Variants in C12orf50 observed in about 807,000 individuals in gnomAD.
C12orf50 encodes the protein zinc finger CCCH-type containing 11D.
In C12orf50, 35 loss-of-function variants were observed where a neutral mutation model predicts 61.6. The ratio of observed to expected loss-of-function variants is 0.57; its 90% CI spans 0.43 to 0.75. The LOEUF (loss-of-function observed/expected upper bound fraction) is 0.75. Ranked by LOEUF, C12orf50 falls within the 30% of genes least tolerant of loss-of-function variation. C12orf50 has a pLI of 0.00. For synonymous variants in C12orf50, 178 were observed against 161.5 expected, an observed-to-expected ratio of 1.10 and a Z score of -0.77; for missense variants, 475 against 488.5, an observed-to-expected ratio of 0.97 and a Z score of 0.26.
Position 88,026,964 on chromosome 12 carries a change from T to C in C12orf50, c.-2A>G, listed in dbSNP as rs377175971. The C allele has an allele frequency of 3.3e-5, 54 of 1,612,066 alleles. No homozygotes were observed. The highest frequency in any genetic ancestry group is 1.6e-4 in the Middle Eastern group (1 of 6,070). On this transcript the variant is annotated 5_prime_UTR_variant, in exon 2 of 13. Transcript: ENST00000298699. Reference sequence around the variant, plus strand: ...AAGTAATTCTACCTGCATTTCCATGTGTCTAAATCTGCAAAGTGGATCTAA... The same window carrying C: ...AAGTAATTCTACCTGCATTTCCATGCGTCTAAATCTGCAAAGTGGATCTAA...
At chr12:88,010,650 TGTA>T (rs929593836) in intron 3 of C12orf50, among the ~76,000 whole-genome samples, 41 of 151,742 alleles carry the variant, frequency 2.7e-4, no homozygotes, top group African/African-American at 9.4e-4. Context: ...TCAAAAATGT[TGTA>T]GTGGATATTT....
At chr12:87,990,289 T>C (rs2031057267) in intron 7 of C12orf50, among the ~76,000 whole-genome samples, 2 of 152,174 alleles carry the variant, frequency 1.3e-5, no homozygotes, top group African/African-American at 4.8e-5. Context: ...ATTCACCCAG[T>C]CATTCAATGC....
chr12:87,981,142 A>G (rs2030447084), intron 12 of C12orf50, among the ~76,000 whole-genome samples: 1 of 152,178 alleles, frequency 6.6e-6, no homozygotes, highest in South Asian at 2.1e-4. Flanking sequence ...ATTTAGTCCA[A>G]TTCAGTGATT....
At chr12:88,015,160 C>T (rs1231256712) in intron 3 of C12orf50, among the ~76,000 whole-genome samples, 1 of 152,110 alleles carries the variant, frequency 6.6e-6, no homozygotes, top group African/African-American at 2.4e-5. Context: ...GAGGAAAGAA[C>T]TAAGCTGAAG....
intron 7 of C12orf50, among the ~76,000 whole-genome samples, chr12:87,991,843 G>A (rs115249973): frequency 0.016 from 2,471 of 152,288 alleles, 71 homozygotes; most frequent in African/African-American, 0.056. Flanking sequence ...TCCCAAACTG[G>A]AAATATTGTC....
At chr12:87,982,811 A>AT (rs2030572255) in intron 12 of C12orf50, among the ~76,000 whole-genome samples, 1 of 152,164 alleles carries the variant, frequency 6.6e-6, no homozygotes. Flanking sequence ...AAAAAAAAAA[A>AT]AATGCATCTT....
intron 4 of C12orf50, among the ~76,000 whole-genome samples, chr12:87,997,027 T>C (rs965396739): frequency 1.3e-5 from 2 of 152,290 alleles, no homozygotes; most frequent in African/African-American, 2.4e-5. Context: ...CCGTAGTCCA[T>C]AGAAGGACAT....
At chr12:87,984,173 A>T (rs538948922) in intron 11 of C12orf50, 1 of 151,856 alleles carries the variant, frequency 6.6e-6, no homozygotes, top group African/African-American at 2.4e-5. Flanking sequence ...TGTCTTTTGG[A>T]TGCATAAATG....
chr12:88,029,239 C>G (rs1279208353), intron 1 of C12orf50, 101 bp downstream of exon 1: 3 of 495,330 alleles, frequency 6.1e-6, no homozygotes, highest in Non-Finnish European at 9.7e-6. Flanking sequence ...TTCTTTTCCA[C>G]AGTCTTTCAG....
At chr12:88,006,538 G>T (rs986483759) in intron 3 of C12orf50, among the ~76,000 whole-genome samples, 4 of 152,146 alleles carry the variant, frequency 2.6e-5, no homozygotes, top group Admixed American at 6.5e-5. Context: ...CACAAAGCAG[G>T]GGTGGTAATT....
chr12:88,028,000 G>A (rs899387069), intron 1 of C12orf50: 2 of 152,244 alleles, frequency 1.3e-5, no homozygotes, highest in South Asian at 4.1e-4. Context: ...CTTGCCCATT[G>A]TCACAAAGTT....
intron 8 of C12orf50, among the ~76,000 whole-genome samples, chr12:87,988,578 C>A (rs1020243225): frequency 5.3e-5 from 8 of 152,068 alleles, no homozygotes; most frequent in African/African-American, 1.9e-4. Context: ...CTGGGGAAAA[C>A]CTTTCCATCT....
intron 7 of C12orf50, among the ~76,000 whole-genome samples, chr12:87,992,476 A>G (rs547252296): frequency 2.6e-5 from 4 of 152,268 alleles, no homozygotes; most frequent in Admixed American, 2.0e-4. Flanking sequence ...CATATACAGT[A>G]TATGTCTTAC....
At chr12:87,997,917 A>G in intron 4 of C12orf50, 118 bp downstream of exon 4, 1 of 699,760 alleles carries the variant, frequency 1.4e-6, no homozygotes, top group South Asian at 3.0e-5. Flanking sequence ...AATTATAGTT[A>G]TTTTCTCAGC....
Position 87,998,025 on chromosome 12 carries a change from T to G in C12orf50, c.289+10A>C. The G allele has an allele frequency of 5.0e-6, 8 of 1,601,684 alleles. No homozygotes were observed. The highest frequency in any genetic ancestry group is 6.8e-6 in the Non-Finnish European group (8 of 1,173,554). The stretch of plus-strand genomic sequence containing the variant: ...ATGTGTATTGTAAACCTGAAAAAAG[T>G]TCTACTAACCATTTTGTTCATCTAC... On this transcript the variant is annotated intron_variant, in intron 4 of 12. Coordinates refer to ENST00000298699, the MANE Select transcript of C12orf50 (RefSeq NM_152589.3).
chr12:87,986,528 T>A, intron 9 of C12orf50, 112 bp from the exon 10 acceptor site: 1 of 666,972 alleles, frequency 1.5e-6, no homozygotes, highest in South Asian at 2.4e-5. Flanking sequence ...GAGGAAAAAA[T>A]AAATGCACCA....
rs1592638811 is a variant in C12orf50, at chr12:87,980,222, C to T, written c.*109G>A. ...TTTTATCATCTTTGGCTATCCACTA[C>T]ATAACATGGAGTACTTGAGTATCTC... On this transcript the variant is annotated 3_prime_UTR_variant, in exon 13 of 13. Coordinates refer to ENST00000298699, the MANE Select transcript of C12orf50 (RefSeq NM_152589.3). The T allele has an allele frequency of 1.6e-5, 17 of 1,096,362 alleles. No homozygotes were observed. In the South Asian group the frequency reaches 2.3e-4, roughly 15 times the overall value. 67.9% of individuals were successfully genotyped at this position (1,096,362 alleles called of 1,614,324 possible).
chr12:88,027,537 A>G (rs922392433), intron 1 of C12orf50, among the ~76,000 whole-genome samples: 1 of 152,178 alleles, frequency 6.6e-6, no homozygotes, highest in African/African-American at 2.4e-5. Context: ...AGATACTGTT[A>G]AGTTTTTATG....
At chr12:88,028,147 AT>A (rs1398986656) in intron 1 of C12orf50, among the ~76,000 whole-genome samples, 1 of 152,160 alleles carries the variant, frequency 6.6e-6, no homozygotes, top group East Asian at 1.9e-4. Flanking sequence ...TATTCATTTA[AT>A]TATTTACTGG....
Sources: gnomAD v4.1 joint callset for allele counts (sites outside exome capture counted in the v4.1 genomes callset) on GRCh38, gnomAD v4.1.1 for gene constraint, MANE v1.5 for transcripts, NCBI Gene and HGNC (gene_info 2026-07-23, HGNC 2026-07-21) for gene names.